The following GP6 variants were observed in gnomAD, a reference collection of about 807,000 sequenced individuals.
The protein encoded by GP6 is glycoprotein VI platelet.
A neutral mutation model predicts 37.3 loss-of-function variants in GP6; 45 were observed. The observed-to-expected ratio is 1.21, with a 90% CI of 0.95 to 1.55. The LOEUF is 1.55. Ranked by LOEUF, GP6 falls within the 40% of genes most tolerant of loss-of-function variation. The probability of loss-of-function intolerance (pLI) is 0.00; values close to 1 mark genes in which losing one functional copy is unlikely to be tolerated. For synonymous variants in GP6, 340 were observed against 316.4 expected (o/e 1.07, Z -0.79); for missense variants, 813 against 760.2 (o/e 1.07, Z -0.82).
chr19:55,024,309 T>TGCACACACACAC (rs1357661954), intron 5 of GP6, among the ~76,000 whole-genome samples: 3 of 129,948 alleles, frequency 2.3e-5, no homozygotes, highest in Non-Finnish European at 4.9e-5. Flanking sequence ...TGCACACACA[T>TGCACACACACAC]ATGCACGCAC....
At chr19:55,028,927 G>A (rs568996584) in intron 3 of GP6, among the ~76,000 whole-genome samples, 1 of 152,148 alleles carries the variant, frequency 6.6e-6, no homozygotes, top group Non-Finnish European at 1.5e-5. Flanking sequence ...TTGAGCCCAG[G>A]AAGGCGAGGC....
Position 55,013,767 on chromosome 19 carries a change from G to A in GP6, c.*315C>T, listed in dbSNP as rs1177440411. The stretch of plus-strand genomic sequence containing the variant: ...GATGGGGTCTCACTATGTTGCCCAG[G>A]CTGGTCTTGAACTCCTGGGCTCAAG... On this transcript the variant is annotated 3_prime_UTR_variant, in exon 8 of 8. Coordinates refer to ENST00000310373, the MANE Select transcript of GP6 (RefSeq NM_001083899.2). 3 of 257,400 alleles carry A rather than the reference G, an allele frequency of 1.2e-5. No individual in the cohort carries two copies. The highest frequency in any genetic ancestry group is 2.3e-5 in the Non-Finnish European group (3 of 129,734). 15.9% of individuals were successfully genotyped at this position (257,400 alleles called of 1,614,324 possible).
Position 55,032,345 on chromosome 19 carries a change from A to C in GP6, c.119T>G (p.Leu40Arg). Residue 40 changes from leucine (L) to arginine (R), a missense_variant, in exon 3 of 8, where the codon CTG (leucine) becomes CGG (arginine). Leu to Arg is a moderately radical substitution (Grantham distance 102). Coordinates refer to ENST00000310373, the MANE Select transcript of GP6 (RefSeq NM_001083899.2). ...GCACCGGAGGGTCACTGGCTTCTCC[A>C]GGGGCACCAGGGAGCTGGGCAGAGC... The C allele has an allele frequency of 6.2e-7, 1 of 1,613,870 alleles. No homozygotes were observed.
Position 55,014,977 on chromosome 19 carries a change from T to G in GP6, c.968A>C (p.Lys323Thr), listed in dbSNP as rs1671152. The G allele has an allele frequency of 0.84, 1,355,548 of 1,612,488 alleles. 571,648 individuals carry two copies. The highest frequency in any genetic ancestry group is 0.98 in the East Asian group (43,986 of 44,844). ...TGTCGGCCTCCATCCTGACCCCCGT[T>G]TGATTTCCGGGTCAGCGGGAGGGGC... The change falls in exon 8 of 8, where the codon AAA (lysine) becomes ACA (threonine). Residue 323 changes from lysine to threonine, a missense_variant. By Grantham distance (78) the Lys-to-Thr change is moderately conservative (BLOSUM62 -1). Coordinates refer to ENST00000310373, the MANE Select transcript of GP6 (RefSeq NM_001083899.2).
intron 6 of GP6, among the ~76,000 whole-genome samples, chr19:55,016,175 G>A (rs2073866909): frequency 6.6e-6 from 1 of 151,418 alleles, no homozygotes; most frequent in Non-Finnish European, 1.5e-5. Flanking sequence ...GAGTCAGGCT[G>A]TCCTCCAGAT....
At chr19:55,033,076 CGTGTT>C (rs1391764236) in intron 1 of GP6, among the ~76,000 whole-genome samples, 3 of 8,124 alleles carry the variant, frequency 3.7e-4, no homozygotes, top group Middle Eastern at 0.071. Context: ...TGGACTCGTT[CGTGTT>C]GTGTTAGACA....
rs1479095473 is a variant in GP6 at position 55,014,578 on chromosome 19, C to G, written c.1367G>C (p.Arg456Thr). The change falls in exon 8 of 8, where the codon AGG becomes ACG. Residue 456 changes from arginine (R) to threonine (T), a missense_variant. By Grantham distance (71) the Arg-to-Thr change is moderately conservative. Coordinates refer to ENST00000310373, the MANE Select transcript of GP6 (RefSeq NM_001083899.2). Reference sequence around the variant, plus strand: ...AGAGTCAACCCTGAGAGCTGGGAACCTTAGAGATCCGTCTGGAGCCCATAT... The same window carrying G: ...AGAGTCAACCCTGAGAGCTGGGAACGTTAGAGATCCGTCTGGAGCCCATAT... 1 of 1,613,418 alleles carries G rather than the reference C, an allele frequency of 6.2e-7. No homozygotes were observed. Among genetic ancestry groups the G allele is most frequent in the Non-Finnish European group, 8.5e-7 (1 of 1,179,496 alleles).
chr19:55,025,382 A>G, intron 4 of GP6, 111 bp from the exon 5 acceptor site: 3 of 747,378 alleles, frequency 4.0e-6, no homozygotes, highest in South Asian at 1.5e-5. Flanking sequence ...AGCCTAAAGT[A>G]GCTTACATCA....
intron 4 of GP6, 72 bp from the exon 5 acceptor site, chr19:55,025,343 C>G (rs564590349): frequency 1.4e-5 from 13 of 932,228 alleles, no homozygotes; most frequent in Middle Eastern, 4.2e-4. Context: ...GAAACATCTC[C>G]GTGACTGAGT....
At chr19:55,020,384 C>A (rs2074035932) in intron 5 of GP6, among the ~76,000 whole-genome samples, 1 of 152,008 alleles carries the variant, frequency 6.6e-6, no homozygotes, top group Admixed American at 6.6e-5. Context: ...CCAATTCCCC[C>A]TACAGGCCCC....
In GP6 at chr19:55,014,588, C is replaced by T. The variant is rs770284082; in HGVS notation, c.1357G>A (p.Gly453Arg). The change falls in exon 8 of 8, where the codon GGA (glycine) becomes AGA (arginine). Residue 453 changes from glycine to arginine, a missense_variant. By Grantham distance (125) the Gly-to-Arg change is moderately radical. Coordinates refer to ENST00000310373, the MANE Select transcript of GP6 (RefSeq NM_001083899.2). ...CTGAGAGCTGGGAACCTTAGAGATC[C>T]GTCTGGAGCCCATATTAGAGAGGTT... 15 of 1,613,312 alleles carry T rather than the reference C, an allele frequency of 9.3e-6. No individual in the cohort carries two copies. Among genetic ancestry groups the T allele is most frequent in the South Asian group, 8.8e-5 (8 of 91,064 alleles).
At chr19:55,034,503 C>G (rs1334775423) in intron 1 of GP6, among the ~76,000 whole-genome samples, 1 of 151,582 alleles carries the variant, frequency 6.6e-6, no homozygotes, top group Non-Finnish European at 1.5e-5. Context: ...TTGCAGTGAG[C>G]CAAGATCACG....
At chr19:55,018,456 CA>C (rs997318826) in intron 6 of GP6, among the ~76,000 whole-genome samples, 195 bp downstream of exon 6, 5 of 152,264 alleles carry the variant, frequency 3.3e-5, no homozygotes, top group African/African-American at 1.2e-4. Context: ...GAAATGGCCC[CA>C]TCACCCAAAA....
chr19:55,027,765 G>C lies in GP6; in HGVS notation c.423C>G (p.Asp141Glu). The change falls in exon 4 of 8, where the codon GAC (aspartate) becomes GAG (glutamate). Residue 141 changes from aspartate (D) to glutamate (E), a missense_variant. By Grantham distance (45) the Asp-to-Glu change is conservative. Coordinates refer to ENST00000310373, the MANE Select transcript of GP6 (RefSeq NM_001083899.2). ...CCCCTTCCTTGTACAGAGCAAATTG[G>C]TCAAAGCCATACCGAGTCTGACACT... is the stretch of plus-strand genomic sequence containing the variant. 3 of 1,613,918 alleles carry C rather than the reference G, an allele frequency of 1.9e-6. No individual in the cohort carries two copies. Among genetic ancestry groups the C allele is most frequent in the Non-Finnish European group, 8.5e-7 (1 of 1,179,786 alleles).
At chr19:55,015,303 C>T in intron 7 of GP6, 138 bp from the exon 8 acceptor site, 2 of 1,400,662 alleles carry the variant, frequency 1.4e-6, no homozygotes, top group African/African-American at 1.4e-5. Flanking sequence ...GAGGGTCCCT[C>T]CCTTCCCGAG....
intron 5 of GP6, among the ~76,000 whole-genome samples, chr19:55,020,073 A>G (rs763562235): frequency 1.4e-4 from 21 of 150,756 alleles, no homozygotes; most frequent in Admixed American, 3.3e-4. Flanking sequence ...AGTGGGTACT[A>G]TCCTGGGAGT....
intron 1 of GP6, among the ~76,000 whole-genome samples, chr19:55,033,686 T>C (rs1246037272): frequency 1.3e-5 from 2 of 152,198 alleles, no homozygotes; most frequent in Non-Finnish European, 2.9e-5. Context: ...AGTATGCAAT[T>C]GTATAGACAA....
Position 55,027,653 on chromosome 19 carries a change from G to C in GP6, c.535C>G (p.Arg179Gly). ...TCCCTGCTGGAGAAGCTGTAGCATCGGTAGGTTCCGCTGTGGGCGGCGGTC... is the reference window on the plus strand; with the variant it reads ...TCCCTGCTGGAGAAGCTGTAGCATCCGTAGGTTCCGCTGTGGGCGGCGGTC... Residue 179 changes from arginine to glycine, a missense_variant, in exon 4 of 8, where the codon CGA becomes GGA. Arg to Gly is a moderately radical substitution (Grantham distance 125). Transcript: ENST00000310373. 1 of 1,612,496 alleles carries C rather than the reference G, an allele frequency of 6.2e-7. No homozygotes were observed. The highest frequency in any genetic ancestry group is 8.5e-7 in the Non-Finnish European group (1 of 1,178,484).
intron 1 of GP6, among the ~76,000 whole-genome samples, chr19:55,034,265 T>C (rs2074737053): frequency 1.3e-5 from 2 of 151,830 alleles, no homozygotes; most frequent in Admixed American, 1.3e-4. Context: ...TGAGGTAAGA[T>C]TGCACCACTG....
Sources: allele counts gnomAD v4.1 joint callset (sites outside exome capture counted in the v4.1 genomes callset), GRCh38; gene constraint gnomAD v4.1.1; transcripts MANE v1.5; gene names NCBI Gene and HGNC (gene_info 2026-07-23, HGNC 2026-07-21).